TRAK2: variants seen among roughly 807,000 people sequenced by gnomAD.
TRAK2 encodes the protein trafficking kinesin protein 2.
Under a neutral mutation model 104.6 loss-of-function variants are expected in TRAK2, and 81 were observed. The ratio of observed to expected loss-of-function variants is 0.77; its 90% CI spans 0.65 to 0.93. TRAK2 has a LOEUF of 0.93. TRAK2 is among the 40% of genes least tolerant of loss of function. The probability of loss-of-function intolerance (pLI) is 0.00; values close to 1 mark genes in which losing one functional copy is unlikely to be tolerated. For synonymous variants in TRAK2, 406 were observed against 394.4 expected (o/e 1.03, Z -0.35); for missense variants, 1,002 against 1,089.0 (o/e 0.92, Z 1.12).
At chr2:201,413,249 A>G in intron 2 of TRAK2, 1 of 1,355,930 alleles carries the variant, frequency 7.4e-7, no homozygotes, top group Non-Finnish European at 1.1e-6. Context: ...TTACAGCACT[A>G]GTGACATCAG....
chr2:201,429,449 A>C lies in TRAK2; in HGVS notation c.-199-8743T>G, dbSNP rs999821301. On this transcript the variant is annotated intron_variant, in intron 1 of 15. Transcript: ENST00000332624. Reference sequence around the variant, plus strand: ...GGAAGTTCTCCTGGATAATATCCTGAAGAGTGTTTTCCAACTTGGTTCCAT... The same window carrying C: ...GGAAGTTCTCCTGGATAATATCCTGCAGAGTGTTTTCCAACTTGGTTCCAT... 3.9e-5 allele frequency among the ~76,000 whole-genome samples: 6 copies of C among 152,282 alleles called. No homozygotes were observed. In the East Asian group the frequency reaches 5.8e-4, roughly 15 times the overall value.
At position 201,399,489 on chromosome 2, in the gene TRAK2, T is replaced by C. The variant is rs1372118873; in HGVS notation, c.368A>G (p.Asp123Gly). 3 of 1,611,420 alleles carry C rather than the reference T, an allele frequency of 1.9e-6. No homozygotes were observed. Among genetic ancestry groups the C allele is most frequent in the Non-Finnish European group, 2.5e-6 (3 of 1,177,928 alleles). ...DMVTHLLAER[D>G]RDLELAARIG... ...TCGAGCAGCGAGTTCCAGATCACGA[T>C]CCCTCTGTTAAAATACCAAATACAC... Residue 123 changes from aspartate to glycine, a missense_variant, in exon 5 of 16, where the codon GAT (aspartate) becomes GGT (glycine). Coordinates refer to ENST00000332624, the MANE Select transcript of TRAK2 (RefSeq NM_015049.3).
intron 14 of TRAK2, among the ~76,000 whole-genome samples, chr2:201,385,903 C>G (rs1951384542): frequency 6.6e-6 from 1 of 152,088 alleles, no homozygotes; most frequent in African/African-American, 2.4e-5. Flanking sequence ...TATTAAATGT[C>G]AATAGATATA....
intron 2 of TRAK2, among the ~76,000 whole-genome samples, chr2:201,416,938 C>T (rs1951696909): frequency 6.6e-6 from 1 of 151,590 alleles, no homozygotes; most frequent in Non-Finnish European, 1.5e-5. Context: ...GTAGACTCAA[C>T]TAAAGTGATA....
chr2:201,380,261 C>T lies in TRAK2; in HGVS notation c.*282G>A, dbSNP rs145494881. 107 of 437,332 alleles carry T rather than the reference C, an allele frequency of 2.4e-4. 1 individual carries two copies. In the East Asian group the frequency reaches 4.3e-3, roughly 18 times the overall value. 27.1% of individuals were successfully genotyped at this position (437,332 alleles called of 1,614,324 possible). On this transcript the variant is annotated 3_prime_UTR_variant, in exon 16 of 16. Coordinates refer to ENST00000332624, the MANE Select transcript of TRAK2 (RefSeq NM_015049.3). ...TAGTATTACTGAATTTATTTGTATT[C>T]ACTTTTTATGTTCAAGACAAGAAAA...
intron 4 of TRAK2, among the ~76,000 whole-genome samples, chr2:201,400,612 A>G (rs1167533560): frequency 1.3e-5 from 2 of 152,078 alleles, no homozygotes; most frequent in East Asian, 3.8e-4. Flanking sequence ...AGTGAGCTCA[A>G]ATCACAGCCC....
intron 1 of TRAK2, among the ~76,000 whole-genome samples, chr2:201,441,058 A>G (rs955553985): frequency 6.6e-6 from 1 of 152,238 alleles, no homozygotes; most frequent in Non-Finnish European, 1.5e-5. Context: ...ACACTGAGTT[A>G]CAGAAGTAAT....
intron 1 of TRAK2, among the ~76,000 whole-genome samples, chr2:201,449,294 G>A (rs932857945): frequency 2.0e-5 from 3 of 152,070 alleles, no homozygotes; most frequent in Admixed American, 6.5e-5. Context: ...TCTGAAGTAC[G>A]TATTAGTTAC....
At chr2:201,425,899 T>C (rs1220121729) in intron 1 of TRAK2, among the ~76,000 whole-genome samples, 1 of 152,142 alleles carries the variant, frequency 6.6e-6, no homozygotes, top group Non-Finnish European at 1.5e-5. Flanking sequence ...ACTGCGAAAA[T>C]CTAATGATAA....
rs139793625 is a variant in TRAK2 at position 201,379,145 on chromosome 2, G to A, written c.*1398C>T. ...ATAAAGACATTTCTTTCTGAACTGCGTGCTGTCTAGACAAAGCCACGTCAT... is the reference window on the plus strand; with the variant it reads ...ATAAAGACATTTCTTTCTGAACTGCATGCTGTCTAGACAAAGCCACGTCAT... On this transcript the variant is annotated 3_prime_UTR_variant, in exon 16 of 16. Transcript: ENST00000332624. 15 of 152,120 alleles carry A rather than the reference G, an allele frequency of 9.9e-5. No individual in the cohort carries two copies. The highest frequency in any genetic ancestry group is 3.4e-4 in the African/African-American group (14 of 41,494). The allele number at this position is 152,120 out of a possible 1,614,324, so 9.4% of individuals were successfully genotyped here.
intron 1 of TRAK2, among the ~76,000 whole-genome samples, chr2:201,430,533 C>T (rs1003502689): frequency 1.3e-5 from 2 of 152,212 alleles, no homozygotes; most frequent in Non-Finnish European, 2.9e-5. Context: ...CAATGGCGGA[C>T]GCCCCTCCCC....
At position 201,386,428 on chromosome 2, in the gene TRAK2, G is replaced by C; in HGVS notation, c.1753C>G (p.Leu585Val). The C allele has an allele frequency of 6.2e-7, 1 of 1,614,188 alleles. No individual in the cohort carries two copies. Among genetic ancestry groups the C allele is most frequent in the Non-Finnish European group, 8.5e-7 (1 of 1,180,024 alleles). The change falls in exon 14 of 16, where the codon CTT becomes GTT. Residue 585 changes from leucine (L) to valine (V), a missense_variant. By Grantham distance (32) the Leu-to-Val change is conservative. Transcript: ENST00000332624. ...GTAATGACACCTGGTCGTGGATCAA[G>C]GATGGTTCCCAAGTTTGGTTGAGCA... The part of the protein sequence containing the change: ...QLAQPNLGTI[L>V]DPRPGVITKG...
intron 1 of TRAK2, among the ~76,000 whole-genome samples, chr2:201,425,930 ACT>A (rs1951784128): frequency 6.6e-6 from 1 of 151,780 alleles, no homozygotes; most frequent in African/African-American, 2.4e-5. Flanking sequence ...TATGCCCACC[ACT>A]CTGTTACATA....
chr2:201,383,163 T>G (rs1361493569), intron 15 of TRAK2, among the ~76,000 whole-genome samples: 2 of 152,238 alleles, frequency 1.3e-5, no homozygotes, highest in African/African-American at 4.8e-5. Flanking sequence ...TATTAGAATA[T>G]TCAAGTTCTA....
intron 15 of TRAK2, among the ~76,000 whole-genome samples, chr2:201,383,145 G>A (rs1323994080): frequency 6.6e-6 from 1 of 152,128 alleles, no homozygotes; most frequent in African/African-American, 2.4e-5. Flanking sequence ...GCTTAATAAG[G>A]GACTATATAT....
At position 201,395,025 on chromosome 2, in the gene TRAK2, C is replaced by T. The variant is rs897001527; in HGVS notation, c.901-153G>A. 12 of 698,934 alleles carry T rather than the reference C, an allele frequency of 1.7e-5. 1 individual carries two copies. The highest frequency in any genetic ancestry group is 1.0e-4 in the South Asian group (5 of 49,944). 43.3% of individuals were successfully genotyped at this position (698,934 alleles called of 1,614,324 possible). A position where few individuals can be genotyped will look rare whatever the true frequency, so the allele number is the denominator to read the frequency against. On this transcript the variant is annotated intron_variant, in intron 8 of 15. Coordinates refer to ENST00000332624, the MANE Select transcript of TRAK2 (RefSeq NM_015049.3). ...TCAAAAGCTAAATAAGATAGGCATT[C>T]GAATACAAAATCTATCAAGGTGTTC...
intron 15 of TRAK2, among the ~76,000 whole-genome samples, chr2:201,382,190 G>A (rs1256959949): frequency 1.3e-5 from 2 of 152,190 alleles, no homozygotes; most frequent in East Asian, 1.9e-4. Context: ...ATGCTTAGTC[G>A]AAAAGAAAAA....
intron 2 of TRAK2, among the ~76,000 whole-genome samples, chr2:201,409,299 G>A (rs1193019152): frequency 2.6e-5 from 4 of 151,182 alleles, no homozygotes; most frequent in Admixed American, 1.3e-4. Context: ...TTTTGAGAGA[G>A]AAGTTTATTA....
intron 1 of TRAK2, among the ~76,000 whole-genome samples, chr2:201,435,228 T>C (rs1284426139): frequency 6.6e-6 from 1 of 152,210 alleles, no homozygotes; most frequent in Non-Finnish European, 1.5e-5. Context: ...AGCTAATTTT[T>C]GTATGTCTTT....
Sources: gnomAD v4.1 joint callset for allele counts (sites outside exome capture counted in the v4.1 genomes callset) on GRCh38, gnomAD v4.1.1 for gene constraint, MANE v1.5 for transcripts, NCBI Gene and HGNC (gene_info 2026-07-23, HGNC 2026-07-21) for gene names.